The following QRICH2 variants were observed in gnomAD, a reference collection of about 807,000 sequenced individuals.
QRICH2 encodes the protein glutamine-rich protein 2.
QRICH2 carries 119 observed loss-of-function variants against 168.3 expected under a neutral mutation model. The ratio of observed to expected loss-of-function variants is 0.71; its 90% CI spans 0.61 to 0.82. The LOEUF (loss-of-function observed/expected upper bound fraction) is 0.82, where lower values mean the gene tolerates loss of function less well. Among genes scored for constraint, QRICH2 ranks in the 40% least tolerant of loss-of-function variants. The pLI is 0.00. For missense variants in QRICH2, 2,241 were observed against 2,491.6 expected, an observed-to-expected ratio of 0.90 and a Z score of 2.14; for synonymous variants, 894 against 951.2, an observed-to-expected ratio of 0.94 and a Z score of 1.11.
chr17:76,294,796 G>A (rs1271137782), intron 3 of QRICH2, among the ~76,000 whole-genome samples: 3 of 143,680 alleles, frequency 2.1e-5, no homozygotes, highest in African/African-American at 2.7e-5. Flanking sequence ...CTGGGTGACA[G>A]AGTGAGACTC....
Position 76,280,208 on chromosome 17 carries a change from G to T in QRICH2, c.4627-54C>A. The T allele has an allele frequency of 6.2e-7, 1 of 1,607,304 alleles. No homozygotes were observed. The highest frequency in any genetic ancestry group is 8.5e-7 in the Non-Finnish European group (1 of 1,175,760). Reference sequence around the variant, plus strand: ...CCTCTAAGGAAGCAGGTAGGGGGCTGACCCAGGAGAAGGTGGTGCTGTCCC... The same window carrying T: ...CCTCTAAGGAAGCAGGTAGGGGGCTTACCCAGGAGAAGGTGGTGCTGTCCC... On this transcript the variant is annotated intron_variant, in intron 11 of 18. Coordinates refer to ENST00000680821, the MANE Select transcript of QRICH2 (RefSeq NM_001388453.1). The surrounding 1 kb of genome is among the most constrained non-coding windows in gnomAD (Gnocchi z 7.4).
upstream of QRICH2, chr17:76,309,850 C>T (rs1291318038): frequency 6.6e-6 from 1 of 152,218 alleles, no homozygotes; most frequent in Non-Finnish European, 1.5e-5. Context: ...ATTTTAACTA[C>T]TGTTCAAGTT....
In QRICH2 at chr17:76,291,430, A is replaced by T; in HGVS notation, c.3297T>A (p.Ala1099=). The T allele has an allele frequency of 6.2e-7, 1 of 1,614,080 alleles. No individual in the cohort carries two copies. Among genetic ancestry groups the T allele is most frequent in the Non-Finnish European group, 8.5e-7 (1 of 1,179,994 alleles). ...AATCATGACTGTCAAAGAGAGAGAAAGCATGGCCATGCTGAGCTGCATCTG... is the reference window on the plus strand; with the variant it reads ...AATCATGACTGTCAAAGAGAGAGAATGCATGGCCATGCTGAGCTGCATCTG... ...VYPDAAQHGH[A]FSLFDSHDSM... is the part of the protein sequence containing the mutation. Residue 1099 remains alanine (A), a synonymous_variant, in exon 4 of 19, where the codon GCT becomes GCA. Transcript: ENST00000680821.
In QRICH2 at chr17:76,307,799, G is replaced by A. The variant is rs2071014602; in HGVS notation, c.200C>T (p.Ser67Leu). 3.7e-6 allele frequency: 5 copies of A among 1,366,184 alleles called. No homozygotes were observed. Among genetic ancestry groups the A allele is most frequent in the African/African-American group, 1.5e-5 (1 of 66,478 alleles). The allele number at this position is 1,366,184 out of a possible 1,614,324, so 84.6% of individuals were successfully genotyped here. A position where few individuals can be genotyped will look rare whatever the true frequency, so the allele number is the denominator to read the frequency against. The change falls in exon 1 of 19, where the codon TCG becomes TTG. Residue 67 changes from serine to leucine, a missense_variant. Around this residue, in one of 3 missense-constraint regions of QRICH2, gnomAD observed 2,047 missense variants for 2,303.8 expected, o/e 0.89. Transcript: ENST00000680821. The surrounding 1 kb of genome is among the most constrained non-coding windows in gnomAD (Gnocchi z 5.3). ...CGCGGGCAGGTGCGGGATGCTGAAC[G>A]AGCTCCGGACGGACTGCAGCGAGCG... ...PSRSLQSVRS[S>L]FSIPHLPAPK...
At position 76,274,120 on chromosome 17, in the gene QRICH2, C is replaced by A; in HGVS notation, c.5623G>T (p.Glu1875Ter). 1 of 1,587,126 alleles carries A rather than the reference C, an allele frequency of 6.3e-7. No homozygotes were observed. Among genetic ancestry groups the A allele is most frequent in the African/African-American group, 1.4e-5 (1 of 72,838 alleles). Residue 1875 changes from glutamate to a stop codon, truncating the protein, a stop_gained, in exon 19 of 19, where the codon GAG (glutamate) becomes TAG (stop). Transcript: ENST00000680821. LOFTEE classifies it high-confidence loss of function. Reference sequence around the variant, plus strand: ...GACCGCGGCCCCCGCGTGGGCTCCTCGAGCCCCTCCCCAGGAGGCATGTCC... The same window carrying A: ...GACCGCGGCCCCCGCGTGGGCTCCTAGAGCCCCTCCCCAGGAGGCATGTCC... ...HVDMPPGEGL[E>*]EPTRGPRSST...
At position 76,280,969 on chromosome 17, in the gene QRICH2, T is replaced by C. The variant is rs1598480303; in HGVS notation, c.4264-16A>G. ...GCTCCTCGTCCTGCGGCAGGAGGGA[T>C]GGGAAGGCTCTCGGAGGCTGCTGGC... On this transcript the variant is annotated splice_polypyrimidine_tract_variant and intron_variant, in intron 8 of 18. Transcript: ENST00000680821. The surrounding 1 kb of genome is among the most constrained non-coding windows in gnomAD (Gnocchi z 7.4). 4 of 1,605,414 alleles carry C rather than the reference T, an allele frequency of 2.5e-6. No individual in the cohort carries two copies. The highest frequency in any genetic ancestry group is 3.4e-6 in the Non-Finnish European group (4 of 1,179,590).
Position 76,292,514 on chromosome 17 carries a change from C to T in QRICH2, c.2213G>A (p.Arg738His), listed in dbSNP as rs756202185. 13 of 1,567,676 alleles carry T rather than the reference C, an allele frequency of 8.3e-6. No homozygotes were observed. The highest frequency in any genetic ancestry group is 2.8e-5 in the African/African-American group (2 of 71,884). The change falls in exon 4 of 19, where the codon CGT (arginine) becomes CAT (histidine). Residue 738 changes from arginine to histidine, a missense_variant. By Grantham distance (29) the Arg-to-His change is conservative. Around this residue, in one of 3 missense-constraint regions of QRICH2, gnomAD observed 2,047 missense variants for 2,303.8 expected, o/e 0.89. Transcript: ENST00000680821. ...ATCTGCACGAGGTTGTGCCAAACCA[C>T]GCTGATCTACTCCAGGTTGGACCAA... Reference protein sequence around the residue: ...HGLVQPGVDQRGLAQPRADHQ... With the variant: ...HGLVQPGVDQHGLAQPRADHQ...
chr17:76,281,074 G>A lies in QRICH2; in HGVS notation c.4264-121C>T. ...AAACATCTGCAAGGCTGGGAGCGGT[G>A]GCTCATGCCTGTAGTCCTGGCACTT... is the stretch of plus-strand genomic sequence containing the variant. On this transcript the variant is annotated intron_variant, in intron 8 of 18. Transcript: ENST00000680821. This position sits in a 1 kb window ranked among gnomAD's most constrained non-coding sequence, Gnocchi z 4.4. 7.3e-7 allele frequency: 1 copy of A among 1,361,612 alleles called. No homozygotes were observed. Among genetic ancestry groups the A allele is most frequent in the Non-Finnish European group, 9.9e-7 (1 of 1,013,460 alleles). The allele number at this position is 1,361,612 out of a possible 1,614,324, so 84.3% of individuals were successfully genotyped here.
chr17:76,287,363 G>C lies in QRICH2; in HGVS notation c.3897-57C>G, dbSNP rs886450317. 3.9e-6 allele frequency: 5 copies of C among 1,292,266 alleles called. No homozygotes were observed. In the African/African-American group the frequency reaches 4.4e-5, roughly 11 times the overall value. The allele number at this position is 1,292,266 out of a possible 1,614,324, so 80.0% of individuals were successfully genotyped here. ...CACACTCAGGCCAGACCCATGCAGA[G>C]CCTGGGCCATCAGGGACGCAGGGGG... is the stretch of plus-strand genomic sequence containing the variant. On this transcript the variant is annotated intron_variant, in intron 6 of 18. Coordinates refer to ENST00000680821, the MANE Select transcript of QRICH2 (RefSeq NM_001388453.1).
rs1299257365 is a variant in QRICH2, at chr17:76,307,197, G to A, written c.534+268C>T. On this transcript the variant is annotated intron_variant, in intron 1 of 18. Coordinates refer to ENST00000680821, the MANE Select transcript of QRICH2 (RefSeq NM_001388453.1). This position sits in a 1 kb window ranked among gnomAD's most constrained non-coding sequence, Gnocchi z 5.3. Reference sequence around the variant, plus strand: ...TGGGGCCACTACACTTAGGAGGTGGGGTCCCCAGGCCCCTCCAGCTCGGGG... The same window carrying A: ...TGGGGCCACTACACTTAGGAGGTGGAGTCCCCAGGCCCCTCCAGCTCGGGG... Among the ~76,000 whole-genome samples, 1 of 152,156 alleles carries A rather than the reference G, an allele frequency of 6.6e-6. No individual in the cohort carries two copies. Among genetic ancestry groups the A allele is most frequent in the East Asian group, 1.9e-4 (1 of 5,192 alleles).
In QRICH2 at chr17:76,287,260, T is replaced by A; in HGVS notation, c.3943A>T (p.Ser1315Cys). The change falls in exon 7 of 19, where the codon AGC becomes TGC. Residue 1315 changes from serine (S) to cysteine (C), a missense_variant. Ser to Cys is a moderately radical substitution (Grantham distance 112). This residue lies in a region of QRICH2 where 2,047 missense variants were observed against 2,303.8 expected (regional missense o/e 0.89). Coordinates refer to ENST00000680821, the MANE Select transcript of QRICH2 (RefSeq NM_001388453.1). ...IEKELAELRESQDRGKAAMEN... is the reference protein window; with the variant it reads ...IEKELAELRECQDRGKAAMEN... ...ATGGCAGCCTTGCCCCTGTCTTGGC[T>A]CTCCCTCAACTCGGCCAGCTCCTTT... The A allele has an allele frequency of 6.2e-7, 1 of 1,613,966 alleles. No individual in the cohort carries two copies. Among genetic ancestry groups the A allele is most frequent in the East Asian group, 2.2e-5 (1 of 44,866 alleles).
rs139933188 is a variant in QRICH2 at position 76,301,872 on chromosome 17, TTGTGTGTGTG to T, written c.705+2533_705+2542del. Among the ~76,000 whole-genome samples, 815 of 136,250 alleles carry T rather than the reference TTGTGTGTGTG, an allele frequency of 6.0e-3. 15 individuals are homozygous for T. Among genetic ancestry groups the T allele is most frequent in the African/African-American group, 0.019 (704 of 37,390 alleles). 89.4% of individuals were successfully genotyped at this position (136,250 alleles called of 152,430 possible). A position where few individuals can be genotyped will look rare whatever the true frequency, so the allele number is the denominator to read the frequency against. On this transcript the variant is annotated intron_variant, in intron 3 of 18. Transcript: ENST00000680821. Reference sequence around the variant, plus strand: ...CTCCTGCCACCACACCTGGCTAATTTTGTGTGTGTGTGTGTGTGTGTGTGTGTGTGTGTGT... The same window carrying T: ...CTCCTGCCACCACACCTGGCTAATTTTGTGTGTGTGTGTGTGTGTGTGTGT...
intron 5 of QRICH2, among the ~76,000 whole-genome samples, chr17:76,288,531 C>G (rs2070932729): frequency 6.6e-6 from 1 of 151,238 alleles, no homozygotes; most frequent in Admixed American, 6.6e-5. Context: ...ATGGTGAAAC[C>G]CTGTCTCTAC....
At position 76,293,230 on chromosome 17, in the gene QRICH2, G is replaced by C; in HGVS notation, c.1497C>G (p.Gly499=). 3 of 1,614,026 alleles carry C rather than the reference G, an allele frequency of 1.9e-6. No individual in the cohort carries two copies. The highest frequency in any genetic ancestry group is 2.5e-6 in the Non-Finnish European group (3 of 1,180,038). Reference sequence around the variant, plus strand: ...GGGGTACTAGTCCTTGCTGACCCATGCCTGATATTACACATCCACGCTGAT... The same window carrying C: ...GGGGTACTAGTCCTTGCTGACCCATCCCTGATATTACACATCCACGCTGAT... ...GMDQRGCVIS[G]MGQQGLVPPG... The change falls in exon 4 of 19, where the codon GGC becomes GGG. Residue 499 remains glycine (G), a synonymous_variant. Transcript: ENST00000680821.
Position 76,291,452 on chromosome 17 carries a change from T to C in QRICH2, c.3275A>G (p.Asp1092Gly). 6.2e-7 allele frequency: 1 copy of C among 1,614,164 alleles called. No individual in the cohort carries two copies. The highest frequency in any genetic ancestry group is 2.2e-5 in the East Asian group (1 of 44,878). The change falls in exon 4 of 19, where the codon GAT becomes GGT. Residue 1092 changes from aspartate to glycine, a missense_variant. Transcript: ENST00000680821. Reference sequence around the variant, plus strand: ...GAAAGCATGGCCATGCTGAGCTGCATCTGGGTATACCTGGTCATGCTCACC... The same window carrying C: ...GAAAGCATGGCCATGCTGAGCTGCACCTGGGTATACCTGGTCATGCTCACC... ...GPGEHDQVYP[D>G]AAQHGHAFSL...
At chr17:76,289,297 C>T (rs796603477) in intron 5 of QRICH2, among the ~76,000 whole-genome samples, 1 of 152,184 alleles carries the variant, frequency 6.6e-6, no homozygotes, top group African/African-American at 2.4e-5. Context: ...AGTGATCCTC[C>T]TGCCTCAGCC....
chr17:76,277,064 A>G lies in QRICH2; in HGVS notation c.5265+99T>C, dbSNP rs373858083. 3,267 of 1,301,374 alleles carry G rather than the reference A, an allele frequency of 2.5e-3. 12 individuals carry two copies. Among genetic ancestry groups the G allele is most frequent in the African/African-American group, 0.011 (701 of 66,490 alleles). 80.6% of individuals were successfully genotyped at this position (1,301,374 alleles called of 1,614,324 possible). ...TCTGATTAAGGAATTGCCTCAAGGC[A>G]GAGGGCTGGCTGATTTTCTGGTGGC... On this transcript the variant is annotated intron_variant, in intron 16 of 18. Transcript: ENST00000680821.
In QRICH2 at chr17:76,290,987, T is replaced by C. The variant is rs1252178664; in HGVS notation, c.3712+28A>G. 2.5e-6 allele frequency: 4 copies of C among 1,598,604 alleles called. No homozygotes were observed. The African/African-American group carries it at 5.4e-5, about 22-fold the overall frequency. Reference sequence around the variant, plus strand: ...ACCAACTGAAAACAGAGACAATGGTTTCTCCTCTATCGGCAAGCGGCACCC... The same window carrying C: ...ACCAACTGAAAACAGAGACAATGGTCTCTCCTCTATCGGCAAGCGGCACCC... On this transcript the variant is annotated intron_variant, in intron 4 of 18. Transcript: ENST00000680821.
rs1008981036 is a variant in QRICH2 at position 76,291,908 on chromosome 17, C to T, written c.2819G>A (p.Gly940Asp). ...GLVQPGAYPLGLVQPGAYLHD... is the reference protein window; with the variant it reads ...GLVQPGAYPLDLVQPGAYLHD... ...CAAATATGCACCAGGTTGTACCAAA[C>T]CAAGAGGATAGGCACCAGGTTGTAC... Residue 940 changes from glycine to aspartate, a missense_variant, in exon 4 of 19, where the codon GGT (glycine) becomes GAT (aspartate). Physicochemically the swap from Gly to Asp is moderately conservative, Grantham distance 94. Coordinates refer to ENST00000680821, the MANE Select transcript of QRICH2 (RefSeq NM_001388453.1). 4.3e-6 allele frequency: 7 copies of T among 1,614,186 alleles called. No homozygotes were observed. Among genetic ancestry groups the T allele is most frequent in the Non-Finnish European group, 5.1e-6 (6 of 1,180,036 alleles).
Sources: gnomAD v4.1 joint callset for allele counts (sites outside exome capture counted in the v4.1 genomes callset) on GRCh38, gnomAD v4.1.1 for gene constraint, gnomAD v4.1.1 regional missense constraint, Gnocchi (gnomAD v3.1) non-coding constraint, MANE v1.5 for transcripts, NCBI Gene and HGNC (gene_info 2026-07-23, HGNC 2026-07-21) for gene names.